Variants in RANBP17 observed in about 807,000 individuals in gnomAD.
RANBP17 encodes the protein ran-binding protein 17.
RANBP17 carries 158 observed loss-of-function variants against 141.2 expected under a neutral mutation model. That is an observed-to-expected ratio of 1.12 (90% CI 0.98 to 1.28). The LOEUF (loss-of-function observed/expected upper bound fraction) is 1.28, where lower values mean the gene tolerates loss of function less well. Ranked by LOEUF, RANBP17 falls within the 50% of genes most tolerant of loss-of-function variation. The pLI is 0.00. For synonymous variants in RANBP17, 430 were observed against 450.0 expected, an observed-to-expected ratio of 0.96 and a Z score of 0.56; for missense variants, 1,438 against 1,290.7, an observed-to-expected ratio of 1.11 and a Z score of -1.75.
intron 14 of RANBP17, among the ~76,000 whole-genome samples, chr5:170,969,927 T>C (rs1489185879): frequency 1.3e-5 from 2 of 152,052 alleles, no homozygotes; most frequent in Non-Finnish European, 2.9e-5. Context: ...ACAAAATTTC[T>C]AAGGCATTTC....
At chr5:171,260,192 C>T (rs569611096) in intron 24 of RANBP17, among the ~76,000 whole-genome samples, 5 of 146,758 alleles carry the variant, frequency 3.4e-5, no homozygotes, top group Admixed American at 6.9e-5. Context: ...CCCAGCTAGT[C>T]GGGGAGGCTG....
chr5:170,887,213 A>T (rs1769237691), intron 3 of RANBP17, among the ~76,000 whole-genome samples: 1 of 152,108 alleles, frequency 6.6e-6, no homozygotes, highest in Non-Finnish European at 1.5e-5. Flanking sequence ...TCTTGTGCAA[A>T]TATTTTCTCC....
At chr5:171,163,768 G>A (rs985348501) in intron 14 of RANBP17, among the ~76,000 whole-genome samples, 4 of 152,098 alleles carry the variant, frequency 2.6e-5, no homozygotes, top group Admixed American at 6.5e-5. Flanking sequence ...ATCTTTTGTG[G>A]TATCACTTTT....
chr5:171,237,078 A>G (rs1391727239), intron 22 of RANBP17, among the ~76,000 whole-genome samples: 2 of 152,166 alleles, frequency 1.3e-5, no homozygotes, highest in Non-Finnish European at 2.9e-5. Context: ...TAATTTTAAA[A>G]AAATACACCT....
chr5:171,129,249 A>G (rs1366354568), intron 14 of RANBP17, among the ~76,000 whole-genome samples: 1 of 152,262 alleles, frequency 6.6e-6, no homozygotes, highest in Non-Finnish European at 1.5e-5. Flanking sequence ...CAGTTGTATC[A>G]GTTCATGAAA....
chr5:171,028,792 C>CT (rs1781379628), intron 14 of RANBP17: 1 of 648,410 alleles, frequency 1.5e-6, no homozygotes, highest in Non-Finnish European at 2.4e-6. Flanking sequence ...GCAAACCTGC[C>CT]TTTTTTCCCT....
intron 14 of RANBP17, among the ~76,000 whole-genome samples, chr5:170,992,879 T>G (rs1778597540): frequency 6.6e-6 from 1 of 152,004 alleles, no homozygotes; most frequent in Non-Finnish European, 1.5e-5. Context: ...AAATGCAAAT[T>G]CTCGAGCCCT....
chr5:171,297,189 A>G (rs1768871889), intron 27 of RANBP17, among the ~76,000 whole-genome samples: 1 of 152,260 alleles, frequency 6.6e-6, no homozygotes, highest in Non-Finnish European at 1.5e-5. Flanking sequence ...GAAAGGAGAT[A>G]GGTTCAGGCT....
rs1395957337 is a variant in RANBP17, at chr5:171,061,231, C to G, written c.1710+92854C>G. ...TTTGAATGTGTTTGCTCTTGCTTTT[C>G]TAGTTCTTTTAATTGTGATGTTAGG... On this transcript the variant is annotated intron_variant, in intron 14 of 27. Coordinates refer to ENST00000523189, the MANE Select transcript of RANBP17 (RefSeq NM_022897.5). Among the ~76,000 whole-genome samples the G allele has an allele frequency of 2.7e-5, 4 of 150,120 alleles. No homozygotes were observed. In the East Asian group the frequency reaches 5.9e-4, roughly 22 times the overall value.
At chr5:171,005,446 T>C (rs183040210) in intron 14 of RANBP17, among the ~76,000 whole-genome samples, 4,315 of 152,260 alleles carry the variant, frequency 0.028, 203 homozygotes, top group African/African-American at 0.097. Context: ...GCCGCATATC[T>C]ACAACTATCT....
At chr5:171,256,514 G>A (rs1765906299) in intron 24 of RANBP17, among the ~76,000 whole-genome samples, 1 of 152,092 alleles carries the variant, frequency 6.6e-6, no homozygotes. Flanking sequence ...AGCTAGAAAA[G>A]CAAGGAAAAA....
intron 14 of RANBP17, among the ~76,000 whole-genome samples, chr5:171,087,495 C>CT (rs1255407281): frequency 1.3e-5 from 2 of 151,518 alleles, no homozygotes; most frequent in African/African-American, 4.9e-5. Context: ...TGGTGCAGAG[C>CT]TGAGTTCAAT....
At chr5:171,292,761 A>G (rs562345437) in intron 25 of RANBP17, among the ~76,000 whole-genome samples, 1 of 152,386 alleles carries the variant, frequency 6.6e-6, no homozygotes, top group South Asian at 2.1e-4. Flanking sequence ...TGCCTGGACT[A>G]TCGCAGCAGC....
intron 16 of RANBP17, 138 bp from the exon 17 acceptor site, chr5:171,183,029 G>A (rs1423035417): frequency 1.4e-5 from 8 of 557,930 alleles, no homozygotes; most frequent in South Asian, 5.3e-5. Context: ...AAGGAAAGAC[G>A]TTTCTATAGG....
At position 171,186,575 on chromosome 5, in the gene RANBP17, C is replaced by A. The variant is rs370755896; in HGVS notation, c.2038+3145C>A. On this transcript the variant is annotated intron_variant, in intron 18 of 27. Transcript: ENST00000523189. ...TTTTTGAGACGGAGTCTCGCTCTGT[C>A]GCCCAGGCTGGAGTGCAGTGGTGCG... 6.1e-3 allele frequency among the ~76,000 whole-genome samples: 584 copies of A among 96,506 alleles called. 9 individuals carry two copies. The highest frequency in any genetic ancestry group is 0.021 in the African/African-American group (477 of 22,760). The allele number at this position is 96,506 out of a possible 152,430, so 63.3% of individuals were successfully genotyped here. A position where few individuals can be genotyped will look rare whatever the true frequency, so the allele number is the denominator to read the frequency against.
At chr5:170,907,766 GT>G (rs1771187114) in intron 5 of RANBP17, among the ~76,000 whole-genome samples, 1 of 151,902 alleles carries the variant, frequency 6.6e-6, no homozygotes, top group Non-Finnish European at 1.5e-5. Flanking sequence ...TTATAATGCT[GT>G]TTGCTTTTAA....
intron 20 of RANBP17, among the ~76,000 whole-genome samples, chr5:171,209,331 A>G (rs1476491739): frequency 6.6e-6 from 1 of 152,208 alleles, no homozygotes; most frequent in Non-Finnish European, 1.5e-5. Flanking sequence ...AGTCTAAGGA[A>G]TTTAGACCCT....
intron 14 of RANBP17, among the ~76,000 whole-genome samples, chr5:171,121,900 G>A (rs1011587738): frequency 2.6e-5 from 4 of 152,200 alleles, no homozygotes; most frequent in Non-Finnish European, 5.9e-5. Context: ...CTACAGCAGC[G>A]TGGGGTGAGT....
chr5:170,967,686 T>A (rs1776681489), intron 13 of RANBP17, among the ~76,000 whole-genome samples: 1 of 151,696 alleles, frequency 6.6e-6, no homozygotes, highest in African/African-American at 2.4e-5. Context: ...TTAGGAATAT[T>A]TGATTTTGTA....
Sources: gnomAD v4.1 joint callset for allele counts (sites outside exome capture counted in the v4.1 genomes callset) on GRCh38, gnomAD v4.1.1 for gene constraint, MANE v1.5 for transcripts, NCBI Gene and HGNC (gene_info 2026-07-23, HGNC 2026-07-21) for gene names.